The following CSGALNACT1 variants were observed in gnomAD, a reference collection of about 807,000 sequenced individuals.
CSGALNACT1 encodes the protein beta4GalNAcT-1.
CSGALNACT1 carries 52 observed loss-of-function variants against 51.0 expected under a neutral mutation model. The observed-to-expected ratio is 1.02, with a 90% CI of 0.82 to 1.29. The LOEUF (loss-of-function observed/expected upper bound fraction) is 1.29. CSGALNACT1 is among the 50% of genes most tolerant of loss of function. The probability of loss-of-function intolerance (pLI) is 0.00; values close to 1 mark genes in which losing one functional copy is unlikely to be tolerated. For missense variants in CSGALNACT1, 935 were observed against 679.2 expected (o/e 1.38, Z -4.19); for synonymous variants, 341 against 254.4 (o/e 1.34, Z -3.24).
intron 3 of CSGALNACT1, among the ~76,000 whole-genome samples, chr8:19,539,847 G>A (rs2084676735): frequency 6.6e-6 from 1 of 152,156 alleles, no homozygotes. Context: ...AACACAGATG[G>A]GCAGTGACAT....
At chr8:19,442,342 G>A (rs770541543) in intron 5 of CSGALNACT1, among the ~76,000 whole-genome samples, 7 of 152,164 alleles carry the variant, frequency 4.6e-5, no homozygotes, top group African/African-American at 1.7e-4. Flanking sequence ...ATGACAGAGT[G>A]GATTAAGAAA....
At chr8:19,639,399 GTTTT>G (rs755689556) in intron 1 of CSGALNACT1, among the ~76,000 whole-genome samples, 4 of 152,146 alleles carry the variant, frequency 2.6e-5, no homozygotes, top group Non-Finnish European at 5.9e-5. Context: ...CCACAGAATG[GTTTT>G]TATTTTCTAA....
chr8:19,738,962 G>A (rs901110571), intron 1 of CSGALNACT1, among the ~76,000 whole-genome samples: 2 of 152,250 alleles, frequency 1.3e-5, no homozygotes, highest in East Asian at 1.9e-4. Flanking sequence ...AATGCAATGT[G>A]AGGCCCTCCT....
chr8:19,502,779 C>T (rs1587374826), intron 4 of CSGALNACT1, among the ~76,000 whole-genome samples: 1 of 152,212 alleles, frequency 6.6e-6, no homozygotes, highest in African/African-American at 2.4e-5. Context: ...CAGACCTTTC[C>T]ATTCCCTTCT....
At chr8:19,657,331 T>C (rs2058372546) in intron 1 of CSGALNACT1, among the ~76,000 whole-genome samples, 1 of 141,542 alleles carries the variant, frequency 7.1e-6, no homozygotes, top group Admixed American at 7.1e-5. Context: ...ATGTCAAACA[T>C]GTCTAACAGA....
chr8:19,448,034 G>C (rs1003869452), intron 5 of CSGALNACT1, among the ~76,000 whole-genome samples: 2 of 152,170 alleles, frequency 1.3e-5, no homozygotes, highest in African/African-American at 2.4e-5. Context: ...TCAGAAGCAT[G>C]GGTTTGCTTC....
chr8:19,520,173 G>A (rs936305679), intron 3 of CSGALNACT1, among the ~76,000 whole-genome samples: 1 of 152,224 alleles, frequency 6.6e-6, no homozygotes, highest in African/African-American at 2.4e-5. Context: ...TTAGAAAGTG[G>A]TTATTATAGA....
intron 1 of CSGALNACT1, among the ~76,000 whole-genome samples, chr8:19,714,327 C>G (rs1012584678): frequency 7.5e-6 from 1 of 132,664 alleles, no homozygotes; most frequent in Non-Finnish European, 1.7e-5. Flanking sequence ...TATAACATAC[C>G]TGGGTATGTT....
intron 2 of CSGALNACT1, among the ~76,000 whole-genome samples, chr8:19,592,512 G>T (rs1237972274): frequency 6.6e-6 from 1 of 152,218 alleles, no homozygotes; most frequent in African/African-American, 2.4e-5. Flanking sequence ...AGCATTCCAG[G>T]ACTTCAAGGC....
intron 4 of CSGALNACT1, among the ~76,000 whole-genome samples, chr8:19,479,950 A>G (rs1011219706): frequency 2.0e-5 from 3 of 152,144 alleles, no homozygotes; most frequent in African/African-American, 7.2e-5. Flanking sequence ...AAATATTGGG[A>G]TGACAGATAC....
chr8:19,573,446 A>ATT (rs111492641), intron 3 of CSGALNACT1, among the ~76,000 whole-genome samples: 3 of 145,044 alleles, frequency 2.1e-5, no homozygotes, highest in Admixed American at 6.9e-5. Flanking sequence ...AAATATTCCA[A>ATT]TTTTTTTTTT....
chr8:19,733,444 A>T (rs1226310573), intron 1 of CSGALNACT1, among the ~76,000 whole-genome samples: 1 of 152,032 alleles, frequency 6.6e-6, no homozygotes, highest in Non-Finnish European at 1.5e-5. Flanking sequence ...GAATAAATCA[A>T]TTCCCTATGC....
chr8:19,435,894 G>A (rs1012446113), intron 6 of CSGALNACT1, among the ~76,000 whole-genome samples: 6 of 151,670 alleles, frequency 4.0e-5, no homozygotes, highest in Admixed American at 1.3e-4. Flanking sequence ...ACACACACAC[G>A]CACACACATT....
chr8:19,730,152 A>G (rs904386365), intron 1 of CSGALNACT1, among the ~76,000 whole-genome samples: 3 of 152,238 alleles, frequency 2.0e-5, no homozygotes, highest in Non-Finnish European at 4.4e-5. Context: ...AAAAGCAGAA[A>G]GCTCATTCCT....
At chr8:19,465,851 A>AC (rs35471252) in intron 4 of CSGALNACT1, among the ~76,000 whole-genome samples, 55,249 of 151,682 alleles carry the variant, frequency 0.36, 10,628 homozygotes, top group African/African-American at 0.46. Flanking sequence ...CCTGGGATAA[A>AC]CCCCCACTGA....
At chr8:19,472,177 G>C (rs1242479425) in intron 4 of CSGALNACT1, among the ~76,000 whole-genome samples, 1 of 152,190 alleles carries the variant, frequency 6.6e-6, no homozygotes, top group Non-Finnish European at 1.5e-5. Context: ...CAAACAACAT[G>C]CAAGGAGGGG....
chr8:19,489,635 G>T (rs2073920860), intron 4 of CSGALNACT1, among the ~76,000 whole-genome samples: 1 of 152,174 alleles, frequency 6.6e-6, no homozygotes, highest in Admixed American at 6.5e-5. Context: ...GGGAGACCCT[G>T]ATGAATTAAT....
intron 7 of CSGALNACT1, among the ~76,000 whole-genome samples, chr8:19,418,988 AG>A (rs569985436): frequency 1.2e-3 from 177 of 152,216 alleles, no homozygotes; most frequent in African/African-American, 4.0e-3. Flanking sequence ...CTGAGATTAC[AG>A]GTGCCCGCCA....
At chr8:19,486,144 A>T (rs1285518233) in intron 4 of CSGALNACT1, among the ~76,000 whole-genome samples, 1 of 152,090 alleles carries the variant, frequency 6.6e-6, no homozygotes, top group Non-Finnish European at 1.5e-5. Flanking sequence ...AAAACAAAAA[A>T]AACAGCCACA....
Sources: gnomAD v4.1 joint callset for allele counts (sites outside exome capture counted in the v4.1 genomes callset) on GRCh38, gnomAD v4.1.1 for gene constraint, MANE v1.5 for transcripts, NCBI Gene and HGNC (gene_info 2026-07-23, HGNC 2026-07-21) for gene names.